The following MOSPD2 variants were observed in gnomAD, a reference collection of about 807,000 sequenced individuals.
The protein encoded by MOSPD2 is motile sperm domain containing 2.
In MOSPD2, 5 loss-of-function variants were observed where a neutral mutation model predicts 41.7. That is an observed-to-expected ratio of 0.12 (90% confidence interval 0.06 to 0.25). The LOEUF (loss-of-function observed/expected upper bound fraction) is 0.25. Among genes scored for constraint, MOSPD2 ranks in the 10% least tolerant of loss-of-function variants. The pLI is 1.00. For synonymous variants in MOSPD2, 115 were observed against 126.9 expected (o/e 0.91, Z 0.63); for missense variants, 282 against 375.2 (o/e 0.75, Z 2.05).
chrX:14,888,203 C>T (rs1196542639), intron 2 of MOSPD2, among the ~76,000 whole-genome samples: 4 of 27,862 alleles, frequency 1.4e-4, no homozygotes, highest in African/African-American at 4.8e-4. Flanking sequence ...TATACACACA[C>T]ACGCACACAC....
intron 2 of MOSPD2, among the ~76,000 whole-genome samples, chrX:14,883,125 C>T (rs1176914098): frequency 3.7e-5 from 4 of 109,293 alleles, no homozygotes; most frequent in African/African-American, 1.0e-4. Flanking sequence ...ACCCGGGAGG[C>T]GGAGGTTGCA....
intron 2 of MOSPD2, among the ~76,000 whole-genome samples, chrX:14,881,526 A>C (rs933802719): frequency 8.9e-6 from 1 of 111,933 alleles, no homozygotes; most frequent in Non-Finnish European, 1.9e-5. Context: ...CTAGACTATG[A>C]ACCACTCAGG....
At chrX:14,892,655 G>A (rs916343128) in intron 2 of MOSPD2, 68 bp from the exon 3 acceptor site, 5 of 839,510 alleles carry the variant, frequency 6.0e-6, no homozygotes, top group Non-Finnish European at 8.6e-6. Flanking sequence ...CTTCTCCTTT[G>A]CCATTAGTGG....
chrX:14,910,211 G>T (rs2092589235), intron 8 of MOSPD2, among the ~76,000 whole-genome samples: 1 of 110,078 alleles, frequency 9.1e-6, no homozygotes, highest in Non-Finnish European at 1.9e-5. Flanking sequence ...ACCAGAGATT[G>T]AAAAGTATAA....
Position 14,886,319 on chromosome X carries a change from G to A in MOSPD2, c.80-6404G>A, listed in dbSNP as rs1053379347. ...TAACCTGGATAACTGGCTGGTGACT[G>A]ATGAGGACCTGGAGAACAGTTTTGA... On this transcript the variant is annotated intron_variant, in intron 2 of 14. Transcript: ENST00000380492. Among the ~76,000 whole-genome samples the A allele has an allele frequency of 3.6e-5, 4 of 110,817 alleles. No homozygotes were observed. The South Asian group carries it at 1.5e-3, about 42-fold the overall frequency.
Position 14,914,616 on chromosome X carries a change from T to C in MOSPD2, c.1089+17T>C, listed in dbSNP as rs889256930. The C allele has an allele frequency of 1.1e-6, 1 of 878,733 alleles. No individual in the cohort carries two copies. The highest frequency in any genetic ancestry group is 1.6e-6 in the Non-Finnish European group (1 of 614,617). 72.4% of individuals were successfully genotyped at this position (878,733 alleles called of 1,213,427 possible). ...GCATTTAAGGTAAATATCTTAAAGA[T>C]ACAATAAATTATGTTTGAGAATTTG... is the stretch of plus-strand genomic sequence containing the variant. On this transcript the variant is annotated intron_variant, in intron 11 of 14. Transcript: ENST00000380492.
At chrX:14,881,235 C>CTT (rs543022770) in intron 2 of MOSPD2, among the ~76,000 whole-genome samples, 1 of 98,764 alleles carries the variant, frequency 1.0e-5, no homozygotes, top group Admixed American at 1.1e-4. Flanking sequence ...TTATTTTGTC[C>CTT]TTTTTTTTTT....
intron 2 of MOSPD2, among the ~76,000 whole-genome samples, chrX:14,879,530 C>T (rs1452234039): frequency 9.0e-6 from 1 of 111,409 alleles, no homozygotes; most frequent in Non-Finnish European, 1.9e-5. Context: ...TCTCAATTTT[C>T]ATACCTAATA....
intron 2 of MOSPD2, chrX:14,885,413 G>A (rs954126677): frequency 8.9e-6 from 1 of 111,872 alleles, no homozygotes; most frequent in East Asian, 2.8e-4. Context: ...TAAATAACCC[G>A]TGGGTTAAAG....
intron 2 of MOSPD2, among the ~76,000 whole-genome samples, chrX:14,879,014 T>G (rs1172651626): frequency 2.7e-5 from 3 of 112,215 alleles, no homozygotes; most frequent in Non-Finnish European, 5.6e-5. Context: ...ATTTGCAACC[T>G]ATGACATATT....
At chrX:14,914,300 G>A (rs2092596578) in intron 10 of MOSPD2, among the ~76,000 whole-genome samples, 1 of 111,463 alleles carries the variant, frequency 9.0e-6, no homozygotes, top group Non-Finnish European at 1.9e-5. Flanking sequence ...GAAAACCGTA[G>A]GACTTTTTAA....
chrX:14,909,056 G>A, intron 8 of MOSPD2, 72 bp downstream of exon 8: 1 of 878,751 alleles, frequency 1.1e-6, no homozygotes, highest in Non-Finnish European at 1.5e-6. Context: ...TTCCTCAAGG[G>A]AAAAAGAAAA....
chrX:14,880,191 A>C (rs1261384980), intron 2 of MOSPD2, among the ~76,000 whole-genome samples: 3 of 110,481 alleles, frequency 2.7e-5, no homozygotes, highest in Non-Finnish European at 5.7e-5. Context: ...AAGATTTATC[A>C]TTTTCCTTAT....
At chrX:14,913,287 G>A (rs1411077763) in intron 10 of MOSPD2, among the ~76,000 whole-genome samples, 4 of 111,531 alleles carry the variant, frequency 3.6e-5, no homozygotes, top group Non-Finnish European at 7.5e-5. Flanking sequence ...CTGTAAACCT[G>A]TTACATCATA....
chrX:14,890,127 AG>A (rs2092551023), intron 2 of MOSPD2, among the ~76,000 whole-genome samples: 1 of 111,675 alleles, frequency 9.0e-6, no homozygotes, highest in Non-Finnish European at 1.9e-5. Flanking sequence ...ATGTGTAATC[AG>A]TACTGGCTGC....
chrX:14,920,145 C>G lies in MOSPD2; in HGVS notation c.*336C>G, dbSNP rs1424848443. On this transcript the variant is annotated 3_prime_UTR_variant, in exon 15 of 15. Coordinates refer to ENST00000380492, the MANE Select transcript of MOSPD2 (RefSeq NM_152581.4). ...TTATCGTGTAAATACATTAGCTAAA[C>G]TGAAAAGTATAAGTAACATGCTTTG... is the stretch of plus-strand genomic sequence containing the variant. 1 of 749,988 alleles carries G rather than the reference C, an allele frequency of 1.3e-6. No homozygotes were observed. The highest frequency in any genetic ancestry group is 1.6e-6 in the Non-Finnish European group (1 of 633,917). The allele number at this position is 749,988 out of a possible 1,213,427, so 61.8% of individuals were successfully genotyped here. A position where few individuals can be genotyped will look rare whatever the true frequency, so the allele number is the denominator to read the frequency against.
At chrX:14,889,532 C>A (rs1017813059) in intron 2 of MOSPD2, among the ~76,000 whole-genome samples, 7 of 106,302 alleles carry the variant, frequency 6.6e-5, no homozygotes, top group Non-Finnish European at 1.2e-4. Flanking sequence ...CCCCTCTCTT[C>A]CCCCTCAACC....
intron 2 of MOSPD2, among the ~76,000 whole-genome samples, chrX:14,886,567 G>T (rs1296869734): frequency 2.8e-5 from 3 of 108,291 alleles, no homozygotes; most frequent in Admixed American, 2.0e-4. Flanking sequence ...GAGAGAGAGA[G>T]AGAGAAATCA....
In MOSPD2 at chrX:14,899,573, C is replaced by CACA. The variant is rs1288230996; in HGVS notation, c.478-1001_478-999dup. On this transcript the variant is annotated intron_variant, in intron 5 of 14. Coordinates refer to ENST00000380492, the MANE Select transcript of MOSPD2 (RefSeq NM_152581.4). ...TATATATATTATATACATACACACA[C>CACA]ACACACACACACACACACACACACA... Among the ~76,000 whole-genome samples the CACA allele has an allele frequency of 6.9e-5, 7 of 101,351 alleles. No homozygotes were observed. In the South Asian group the frequency reaches 2.7e-3, roughly 38 times the overall value. The allele number at this position is 101,351 out of a possible 115,157, so 88.0% of individuals were successfully genotyped here. A position where few individuals can be genotyped will look rare whatever the true frequency, so the allele number is the denominator to read the frequency against.
Sources: allele counts gnomAD v4.1 joint callset (sites outside exome capture counted in the v4.1 genomes callset), GRCh38; gene constraint gnomAD v4.1.1; transcripts MANE v1.5; gene names NCBI Gene and HGNC (gene_info 2026-07-23, HGNC 2026-07-21).